The following PSMD3 variants were observed in gnomAD, a reference collection of about 807,000 sequenced individuals.
PSMD3 encodes proteasome 26S subunit, non-ATPase 3, also known as 26S proteasome non-ATPase regulatory subunit 3.
Under a neutral mutation model 62.8 loss-of-function variants are expected in PSMD3, and 5 were observed. That is an observed-to-expected ratio of 0.08 (90% CI 0.04 to 0.17). The LOEUF (loss-of-function observed/expected upper bound fraction) is 0.17. Among genes scored for constraint, PSMD3 ranks in the 10% least tolerant of loss-of-function variants. The pLI is 1.00. For missense variants in PSMD3, 524 were observed against 713.6 expected (o/e 0.73, Z 3.03); for synonymous variants, 265 against 283.9 (o/e 0.93, Z 0.67).
chr17:39,983,644 G>A (rs1165763661), intron 1 of PSMD3, among the ~76,000 whole-genome samples: 4 of 152,086 alleles, frequency 2.6e-5, no homozygotes, highest in South Asian at 4.1e-4. Context: ...TCTTTTGTGC[G>A]TATGTGATTT....
intron 6 of PSMD3, 32 bp downstream of exon 6, chr17:39,990,229 CTTTTTTTTT>C (rs4065322): frequency 6.1e-6 from 7 of 1,156,204 alleles, no homozygotes; most frequent in Non-Finnish European, 8.3e-6. Context: ...CCCTTTGCCT[CTTTTTTTTT>C]TTTTTTTTTA....
Position 39,980,908 on chromosome 17 carries a change from G to A in PSMD3, c.-63G>A. Reference sequence around the variant, plus strand: ...AGGCCCGGCTCGGCTCCTGGTCCCCGGTGCGAGGGTTAACGCGAGGCCCCG... The same window carrying A: ...AGGCCCGGCTCGGCTCCTGGTCCCCAGTGCGAGGGTTAACGCGAGGCCCCG... On this transcript the variant is annotated 5_prime_UTR_variant, in exon 1 of 12. Coordinates refer to ENST00000264639, the MANE Select transcript of PSMD3 (RefSeq NM_002809.4). 2 of 1,386,784 alleles carry A rather than the reference G, an allele frequency of 1.4e-6. No individual in the cohort carries two copies. Among genetic ancestry groups the A allele is most frequent in the Non-Finnish European group, 1.9e-6 (2 of 1,055,142 alleles). The allele number at this position is 1,386,784 out of a possible 1,614,324, so 85.9% of individuals were successfully genotyped here. A position where few individuals can be genotyped will look rare whatever the true frequency, so the allele number is the denominator to read the frequency against.
chr17:39,982,247 ATGTCAAAGG>A lies in PSMD3; in HGVS notation c.220+1060_220+1068del, dbSNP rs530768149. ...CCTTTTACCTAAAGTAGTGGCAGCA[ATGTCAAAGG>A]TGCCACTCAGCATTGCCTACTGGGT... On this transcript the variant is annotated intron_variant, in intron 1 of 11. Transcript: ENST00000264639. Among the ~76,000 whole-genome samples the A allele has an allele frequency of 2.1e-3, 326 of 152,356 alleles. 1 individual carries two copies. Among genetic ancestry groups the A allele is most frequent in the African/African-American group, 7.6e-3 (315 of 41,590 alleles).
rs755594724 is a variant in PSMD3 at position 39,996,166 on chromosome 17, T to A, written c.1321-17T>A. 5.2e-5 allele frequency: 84 copies of A among 1,611,246 alleles called. No individual in the cohort carries two copies. The highest frequency in any genetic ancestry group is 5.8e-5 in the Non-Finnish European group (69 of 1,179,520). On this transcript the variant is annotated splice_polypyrimidine_tract_variant and intron_variant, in intron 9 of 11. Coordinates refer to ENST00000264639, the MANE Select transcript of PSMD3 (RefSeq NM_002809.4). This position sits in a 1 kb window ranked among gnomAD's most constrained non-coding sequence, Gnocchi z 5.1. ...AGCTGGGTGTGCTGGTGAACTTTCC[T>A]CTTTGGGGGCCTGCAGGCCATCCGG...
At chr17:39,991,512 C>T (rs1980654578) in intron 6 of PSMD3, among the ~76,000 whole-genome samples, 1 of 152,114 alleles carries the variant, frequency 6.6e-6, no homozygotes, top group Non-Finnish European at 1.5e-5. Flanking sequence ...TGTCAGAAAG[C>T]TTGAGGGTGT....
In PSMD3 at chr17:39,996,447, C is replaced by A; in HGVS notation, c.1476+109C>A. 3 of 1,410,136 alleles carry A rather than the reference C, an allele frequency of 2.1e-6. No individual in the cohort carries two copies. The highest frequency in any genetic ancestry group is 2.9e-6 in the Non-Finnish European group (3 of 1,029,754). The allele number at this position is 1,410,136 out of a possible 1,614,324, so 87.4% of individuals were successfully genotyped here. A position where few individuals can be genotyped will look rare whatever the true frequency, so the allele number is the denominator to read the frequency against. On this transcript the variant is annotated intron_variant, in intron 10 of 11. Transcript: ENST00000264639. The surrounding 1 kb of genome is among the most constrained non-coding windows in gnomAD (Gnocchi z 5.1). ...CTTAATTTGTGGCCCACGTCCCAGC[C>A]AATCTCTGTAAAATCACTGAGCTGC...
At chr17:39,983,982 G>A (rs190395100) in intron 1 of PSMD3, among the ~76,000 whole-genome samples, 71 of 152,076 alleles carry the variant, frequency 4.7e-4, no homozygotes, top group South Asian at 2.1e-3. Flanking sequence ...GGCAGATCAC[G>A]AGGTCAGGAG....
chr17:39,994,696 G>C (rs562250365), intron 6 of PSMD3: 1 of 513,682 alleles, frequency 1.9e-6, no homozygotes, highest in East Asian at 3.5e-5. Context: ...CTACGCGCGG[G>C]GTGGCCAGGT....
At chr17:39,984,230 T>C in intron 1 of PSMD3, 64 bp from the exon 2 acceptor site, 2 of 980,516 alleles carry the variant, frequency 2.0e-6, no homozygotes, top group Non-Finnish European at 3.0e-6. Flanking sequence ...AAAGAACTCC[T>C]TGCCTGGAGT....
At chr17:39,984,041 T>C (rs576616019) in intron 1 of PSMD3, among the ~76,000 whole-genome samples, 1 of 151,728 alleles carries the variant, frequency 6.6e-6, no homozygotes, top group African/African-American at 2.4e-5. Context: ...CTACTAAAAA[T>C]ACAAAAAATT....
rs932524676 is a variant in PSMD3, at chr17:39,989,916, C to T, written c.864C>T (p.Tyr288=). The change falls in exon 5 of 12, where the codon TAC becomes TAT. Residue 288 remains tyrosine, a synonymous_variant. Coordinates refer to ENST00000264639, the MANE Select transcript of PSMD3 (RefSeq NM_002809.4). ...CCAACAACAATGAGTGGGCCAGGTA[C>T]CTCTACTACACAGGTGAGCAGAGGG... The part of the protein sequence containing the change: ...EQANNNEWAR[Y]LYYTGRIKAI... 6 of 1,613,770 alleles carry T rather than the reference C, an allele frequency of 3.7e-6. No homozygotes were observed. In the African/African-American group the frequency reaches 5.3e-5, roughly 14 times the overall value.
chr17:39,996,906 C>A lies in PSMD3; in HGVS notation c.1477-424C>A, dbSNP rs572576519. 7.3e-6 allele frequency: 3 copies of A among 408,762 alleles called. No individual in the cohort carries two copies. The Admixed American group carries it at 8.8e-5, about 12-fold the overall frequency. The allele number at this position is 408,762 out of a possible 1,614,324, so 25.3% of individuals were successfully genotyped here. A position where few individuals can be genotyped will look rare whatever the true frequency, so the allele number is the denominator to read the frequency against. ...AGGATATTGCTGCCTTGCTTAAAAT[C>A]TGGCTAAGCCCTACTCCACGTGACA... On this transcript the variant is annotated intron_variant, in intron 10 of 11. Transcript: ENST00000264639. This position sits in a 1 kb window ranked among gnomAD's most constrained non-coding sequence, Gnocchi z 5.1.
At position 39,995,782 on chromosome 17, in the gene PSMD3, G is replaced by A; in HGVS notation, c.1320+255G>A. 3.7e-6 allele frequency: 2 copies of A among 539,032 alleles called. No homozygotes were observed. Among genetic ancestry groups the A allele is most frequent in the Non-Finnish European group, 6.7e-6 (2 of 298,818 alleles). 33.4% of individuals were successfully genotyped at this position (539,032 alleles called of 1,614,324 possible). ...CCTGTGAGTGTGAGAATATAAGGAGGGCAGAGGAATGGGATGGAACAAGAT... is the reference window on the plus strand; with the variant it reads ...CCTGTGAGTGTGAGAATATAAGGAGAGCAGAGGAATGGGATGGAACAAGAT... On this transcript the variant is annotated intron_variant, in intron 9 of 11. Coordinates refer to ENST00000264639, the MANE Select transcript of PSMD3 (RefSeq NM_002809.4). The surrounding 1 kb of genome is among the most constrained non-coding windows in gnomAD (Gnocchi z 4.1).
rs1980367608 is a variant in PSMD3, at chr17:39,981,027, C to A, written c.57C>A (p.Pro19=). The A allele has an allele frequency of 1.3e-6, 2 of 1,549,044 alleles. No individual in the cohort carries two copies. The highest frequency in any genetic ancestry group is 2.4e-5 in the East Asian group (1 of 40,998). The change falls in exon 1 of 12, where the codon CCC becomes CCA. Residue 19 remains proline, a synonymous_variant. Coordinates refer to ENST00000264639, the MANE Select transcript of PSMD3 (RefSeq NM_002809.4). ...RRGADKAKPP[P]GGGEQEPPPP... Reference sequence around the variant, plus strand: ...GCGCGGACAAGGCGAAACCGCCGCCCGGCGGAGGAGAACAAGAACCCCCAC... The same window carrying A: ...GCGCGGACAAGGCGAAACCGCCGCCAGGCGGAGGAGAACAAGAACCCCCAC...
intron 6 of PSMD3, chr17:39,993,744 C>T (rs1378963654): frequency 1.3e-5 from 2 of 152,262 alleles, no homozygotes; most frequent in Non-Finnish European, 2.9e-5. Flanking sequence ...CTCTGTCCTT[C>T]CCTTGCCTGG....
In PSMD3 at chr17:39,995,520, T is replaced by A. The variant is rs1465729625; in HGVS notation, c.1313T>A (p.Val438Asp). ...AGCCCCGAAGATGCAGAGTTCATTG[T>A]TGCCAAGGTGGGGCTGGTTCAGGAA... ...LDSPEDAEFI[V>D]AKAIRDGVIE... is the part of the protein sequence containing the mutation. Residue 438 changes from valine (V) to aspartate (D), a missense_variant, in exon 9 of 12, where the codon GTT becomes GAT. Val to Asp is a radical substitution (Grantham distance 152). Around this residue, in one of 4 missense-constraint regions of PSMD3, gnomAD observed 76 missense variants for 97.3 expected, o/e 0.78. Transcript: ENST00000264639. The surrounding 1 kb of genome is among the most constrained non-coding windows in gnomAD (Gnocchi z 4.1). 6.2e-7 allele frequency: 1 copy of A among 1,612,946 alleles called. No homozygotes were observed. The highest frequency in any genetic ancestry group is 8.5e-7 in the Non-Finnish European group (1 of 1,178,896).
At position 39,995,094 on chromosome 17, in the gene PSMD3, G is replaced by A. The variant is rs780376795; in HGVS notation, c.1096+26G>A. The A allele has an allele frequency of 6.2e-7, 1 of 1,613,838 alleles. No homozygotes were observed. The highest frequency in any genetic ancestry group is 8.5e-7 in the Non-Finnish European group (1 of 1,179,810). On this transcript the variant is annotated intron_variant, in intron 7 of 11. Coordinates refer to ENST00000264639, the MANE Select transcript of PSMD3 (RefSeq NM_002809.4). The surrounding 1 kb of genome is among the most constrained non-coding windows in gnomAD (Gnocchi z 4.1). ...GTAAGGCTGGCTTCCCCACCCCAGA[G>A]CCCACTAGGCCCCCTTCAGTGGGGC...
Position 39,997,805 on chromosome 17 carries a change from G to C in PSMD3, c.*224G>C, listed in dbSNP as rs958797460. 5.0e-6 allele frequency: 3 copies of C among 595,068 alleles called. No individual in the cohort carries two copies. Among genetic ancestry groups the C allele is most frequent in the Admixed American group, 2.9e-5 (1 of 34,606 alleles). 36.9% of individuals were successfully genotyped at this position (595,068 alleles called of 1,614,324 possible). On this transcript the variant is annotated 3_prime_UTR_variant, in exon 12 of 12. Transcript: ENST00000264639. ...AGGAGGGTGGGCAGGCAACCTCCCC[G>C]GGCAGGGTCCTGGCCAGCAGTGTGG...
chr17:39,984,243 T>A, intron 1 of PSMD3, 51 bp from the exon 2 acceptor site: 1 of 1,087,708 alleles, frequency 9.2e-7, no homozygotes, highest in Non-Finnish European at 1.3e-6. Context: ...CCTGGAGTGG[T>A]GGGGGACTAG....
Sources: allele counts gnomAD v4.1 joint callset (sites outside exome capture counted in the v4.1 genomes callset), GRCh38; gene constraint gnomAD v4.1.1; regional missense constraint gnomAD v4.1.1; non-coding constraint Gnocchi (gnomAD v3.1); transcripts MANE v1.5; gene names NCBI Gene and HGNC (gene_info 2026-07-23, HGNC 2026-07-21).